Variants in MAPK10 observed in about 807,000 individuals in gnomAD.
The protein encoded by MAPK10 is JNK3 alpha protein kinase.
Under a neutral mutation model 59.3 loss-of-function variants are expected in MAPK10, and 25 were observed. The observed-to-expected ratio is 0.42, with a 90% CI of 0.31 to 0.59. The LOEUF is 0.59. MAPK10 is among the 20% of genes least tolerant of loss of function. The pLI, the probability that MAPK10 is intolerant of heterozygous loss-of-function variation, is 0.15. For synonymous variants in MAPK10, 190 were observed against 200.5 expected, an observed-to-expected ratio of 0.95 and a Z score of 0.44; for missense variants, 351 against 568.9, an observed-to-expected ratio of 0.62 and a Z score of 3.90.
chr4:86,298,258 C>T (rs1367521237), intron 2 of MAPK10, among the ~76,000 whole-genome samples: 1 of 152,076 alleles, frequency 6.6e-6, no homozygotes, highest in Non-Finnish European at 1.5e-5. Context: ...TAGACATTTC[C>T]AGATGAGGGG....
At chr4:86,356,956 C>A (rs1043696356) in intron 1 of MAPK10, 2 of 152,162 alleles carry the variant, frequency 1.3e-5, no homozygotes, top group African/African-American at 4.8e-5. Context: ...AGTCCTGCAG[C>A]AAATAGAGCA....
intron 1 of MAPK10, among the ~76,000 whole-genome samples, chr4:86,478,171 A>G (rs1753279615): frequency 6.6e-6 from 1 of 152,052 alleles, no homozygotes; most frequent in African/African-American, 2.4e-5. Flanking sequence ...CCATAACAAA[A>G]CCATTATATA....
intron 4 of MAPK10, chr4:86,107,609 G>T: frequency 9.2e-7 from 1 of 1,089,720 alleles, no homozygotes; most frequent in East Asian, 5.7e-5. Context: ...GTAGAAGAGG[G>T]CAAAGGAGAA....
intron 2 of MAPK10, among the ~76,000 whole-genome samples, chr4:86,292,483 G>A (rs529925510): frequency 1.3e-5 from 2 of 152,124 alleles, no homozygotes; most frequent in Non-Finnish European, 2.9e-5. Flanking sequence ...TTGGGAGACC[G>A]AGGTGGGAGG....
At chr4:86,409,087 A>C (rs965425818) in intron 1 of MAPK10, among the ~76,000 whole-genome samples, 1 of 152,178 alleles carries the variant, frequency 6.6e-6, no homozygotes, top group African/African-American at 2.4e-5. Context: ...TATAAGGTGT[A>C]AGGAAGGGAT....
At chr4:86,018,370 TAGG>T (rs1744449966) in intron 13 of MAPK10, among the ~76,000 whole-genome samples, 1 of 139,726 alleles carries the variant, frequency 7.2e-6, no homozygotes, top group Non-Finnish European at 1.6e-5. Context: ...AAAAAAAAAA[TAGG>T]AGAAGCCTTA....
intron 3 of MAPK10, among the ~76,000 whole-genome samples, chr4:86,174,041 A>C (rs1341250620): frequency 6.8e-6 from 1 of 146,382 alleles, no homozygotes; most frequent in Non-Finnish European, 1.5e-5. Flanking sequence ...AATTACTTCA[A>C]CCACTGTGGA....
chr4:86,356,756 G>T (rs1408223388), intron 1 of MAPK10: 1 of 152,158 alleles, frequency 6.6e-6, no homozygotes, highest in Non-Finnish European at 1.5e-5. Flanking sequence ...CAGCAGTACA[G>T]TGTCTCATCT....
intron 2 of MAPK10, among the ~76,000 whole-genome samples, chr4:86,204,364 C>T (rs529027942): frequency 6.6e-6 from 1 of 151,820 alleles, no homozygotes; most frequent in Admixed American, 6.6e-5. Context: ...AAATATTGTT[C>T]ATATAACAAG....
At chr4:86,135,387 C>T (rs1039327508) in intron 4 of MAPK10, among the ~76,000 whole-genome samples, 25 of 152,194 alleles carry the variant, frequency 1.6e-4, no homozygotes, top group Non-Finnish European at 2.6e-4. Context: ...CCCTGACCCC[C>T]GAGCAGCCTA....
intron 9 of MAPK10, among the ~76,000 whole-genome samples, chr4:86,096,130 TA>T (rs1467189935): frequency 2.0e-5 from 3 of 151,630 alleles, no homozygotes; most frequent in Non-Finnish European, 3.0e-5. Context: ...ATTTATATAA[TA>T]AATGCAAACC....
At chr4:86,479,578 G>A (rs184936746) in intron 1 of MAPK10, among the ~76,000 whole-genome samples, 7 of 151,570 alleles carry the variant, frequency 4.6e-5, no homozygotes, top group African/African-American at 1.2e-4. Context: ...TTACACTGCC[G>A]ATTTACACTG....
At chr4:86,590,104 A>G (rs1382616662) in intron 1 of MAPK10, among the ~76,000 whole-genome samples, 1 of 152,214 alleles carries the variant, frequency 6.6e-6, no homozygotes, top group Non-Finnish European at 1.5e-5. Context: ...GCCTTTCAAA[A>G]GAACTAGGCT....
intron 2 of MAPK10, among the ~76,000 whole-genome samples, chr4:86,315,212 A>C (rs978233978): frequency 6.6e-6 from 1 of 151,998 alleles, no homozygotes; most frequent in African/African-American, 2.4e-5. Context: ...ACTCATGGAG[A>C]TAAGAGTAGA....
chr4:86,593,108 T>G (rs896337483), intron 1 of MAPK10, among the ~76,000 whole-genome samples: 3 of 152,220 alleles, frequency 2.0e-5, no homozygotes, highest in Non-Finnish European at 4.4e-5. Context: ...AATGATATAA[T>G]GAAAACTCAA....
At chr4:86,142,917 G>A (rs1354211523) in intron 4 of MAPK10, among the ~76,000 whole-genome samples, 1 of 152,158 alleles carries the variant, frequency 6.6e-6, no homozygotes, top group Non-Finnish European at 1.5e-5. Context: ...AAGACAATGG[G>A]TGAGGGCAGA....
intron 1 of MAPK10, among the ~76,000 whole-genome samples, chr4:86,517,913 A>AT (rs1308201168): frequency 2.0e-5 from 3 of 151,986 alleles, no homozygotes; most frequent in Admixed American, 6.5e-5. Flanking sequence ...GGTCCTGAAC[A>AT]TTTTTTTTGT....
chr4:86,319,676 C>G (rs2095853394), intron 2 of MAPK10, among the ~76,000 whole-genome samples: 1 of 152,164 alleles, frequency 6.6e-6, no homozygotes, highest in Non-Finnish European at 1.5e-5. Flanking sequence ...GGGGCCTTCT[C>G]AACTCCAAGG....
At chr4:86,221,341 CT>C (rs2089520370) in intron 2 of MAPK10, among the ~76,000 whole-genome samples, 1 of 152,192 alleles carries the variant, frequency 6.6e-6, no homozygotes, top group Non-Finnish European at 1.5e-5. Flanking sequence ...GATGGCTACT[CT>C]GCTAATTTAT....
Sources: gnomAD v4.1 joint callset for allele counts (sites outside exome capture counted in the v4.1 genomes callset) on GRCh38, gnomAD v4.1.1 for gene constraint, MANE v1.5 for transcripts, NCBI Gene and HGNC (gene_info 2026-07-23, HGNC 2026-07-21) for gene names.